Variants in BNC2 observed in about 807,000 individuals in gnomAD.
The protein encoded by BNC2 is basonuclin zinc finger protein 2.
BNC2 carries 20 observed loss-of-function variants against 76.3 expected under a neutral mutation model. That is an observed-to-expected ratio of 0.26 (90% confidence interval 0.18 to 0.38). The LOEUF (loss-of-function observed/expected upper bound fraction) is 0.38, where lower values mean the gene tolerates loss of function less well. Ranked by LOEUF, BNC2 falls within the 10% of genes least tolerant of loss-of-function variation. The pLI is 1.00. For missense variants in BNC2, 1,382 were observed against 1,399.8 expected (o/e 0.99, Z 0.20); for synonymous variants, 582 against 514.8 (o/e 1.13, Z -1.77).
chr9:16,657,209 G>A (rs1195143783), intron 3 of BNC2, among the ~76,000 whole-genome samples: 6 of 152,052 alleles, frequency 3.9e-5, no homozygotes, highest in Non-Finnish European at 8.8e-5. Flanking sequence ...CAAGTGTGCA[G>A]GTGAAAACCC....
chr9:16,425,386 C>T lies in BNC2; in HGVS notation c.2640-5737G>A, dbSNP rs139292079. 3.7e-3 allele frequency among the ~76,000 whole-genome samples: 569 copies of T among 152,280 alleles called. 6 individuals carry two copies. Among genetic ancestry groups the T allele is most frequent in the African/African-American group, 0.013 (545 of 41,548 alleles). ...TTCACAGTGAATTATGCTGCCTACA[C>T]GACTCCCCTCTCTCAGAGCCTGCCA... On this transcript the variant is annotated intron_variant, in intron 6 of 6. Transcript: ENST00000380672.
At chr9:16,594,517 C>T (rs547240153) in intron 3 of BNC2, among the ~76,000 whole-genome samples, 5 of 152,064 alleles carry the variant, frequency 3.3e-5, no homozygotes, top group Non-Finnish European at 7.4e-5. Context: ...AAATTTACTC[C>T]TCTAGGTTTG....
At chr9:16,538,773 A>G (rs1197584242) in intron 5 of BNC2, among the ~76,000 whole-genome samples, 1 of 152,194 alleles carries the variant, frequency 6.6e-6, no homozygotes, top group Non-Finnish European at 1.5e-5. Context: ...GTTTGAATTA[A>G]TATTATTAAA....
intron 5 of BNC2, among the ~76,000 whole-genome samples, chr9:16,461,875 C>A (rs76188577): frequency 0.011 from 1,710 of 152,330 alleles, 32 homozygotes; most frequent in African/African-American, 0.039. Flanking sequence ...AGCCTGCTCA[C>A]TTCTCATGTG....
At chr9:16,855,713 ATTT>A (rs796972202) in intron 1 of BNC2, among the ~76,000 whole-genome samples, 1 of 136,382 alleles carries the variant, frequency 7.3e-6, no homozygotes, top group Non-Finnish European at 1.6e-5. Flanking sequence ...GATTTCTTGT[ATTT>A]TTTTTTTTTT....
Position 16,742,264 on chromosome 9 carries a change from A to C in BNC2, c.4-3779T>G, listed in dbSNP as rs560877940. 5.9e-5 allele frequency among the ~76,000 whole-genome samples: 9 copies of C among 152,370 alleles called. No homozygotes were observed. The South Asian group carries it at 1.9e-3, about 32-fold the overall frequency. ...CCTATGTGATTTGAACAAAGGCATA[A>C]AAGATGTGGAATAATTTCACTTCAT... On this transcript the variant is annotated intron_variant, in intron 1 of 6. Coordinates refer to ENST00000380672, the MANE Select transcript of BNC2 (RefSeq NM_017637.6).
chr9:16,538,868 A>T (rs1177682927), intron 5 of BNC2, among the ~76,000 whole-genome samples: 1 of 152,212 alleles, frequency 6.6e-6, no homozygotes, highest in Non-Finnish European at 1.5e-5. Context: ...CAAAGAGTCT[A>T]TTTACATATA....
chr9:16,780,312 G>A (rs552438030), intron 1 of BNC2, among the ~76,000 whole-genome samples: 16 of 149,358 alleles, frequency 1.1e-4, no homozygotes, highest in African/African-American at 3.2e-4. Flanking sequence ...GGTGGCTCAC[G>A]CCTGTAATCC....
intron 1 of BNC2, among the ~76,000 whole-genome samples, chr9:16,755,344 C>A (rs10810608): frequency 0.86 from 129,879 of 151,588 alleles, 56,185 homozygotes; most frequent in Non-Finnish European, 0.92. Flanking sequence ...TGTGGGGGGA[C>A]ACCACCTCAG....
chr9:16,842,967 G>C (rs925655200), intron 1 of BNC2, among the ~76,000 whole-genome samples: 1 of 152,098 alleles, frequency 6.6e-6, no homozygotes, highest in African/African-American at 2.4e-5. Context: ...GGCCAGGCTG[G>C]AGTCAAACTC....
intron 1 of BNC2, among the ~76,000 whole-genome samples, chr9:16,771,014 A>G (rs1001927443): frequency 4.6e-5 from 7 of 152,154 alleles, no homozygotes; most frequent in African/African-American, 1.7e-4. Flanking sequence ...TACTAAAAAT[A>G]CAAAATTAGC....
intron 5 of BNC2, among the ~76,000 whole-genome samples, chr9:16,528,922 C>G (rs1048130783): frequency 6.6e-6 from 1 of 152,230 alleles, no homozygotes; most frequent in Non-Finnish European, 1.5e-5. Flanking sequence ...AACATATTCT[C>G]TCTCTGTTCC....
At chr9:16,513,338 G>A (rs565709720) in intron 5 of BNC2, among the ~76,000 whole-genome samples, 45 of 117,732 alleles carry the variant, frequency 3.8e-4, no homozygotes, top group Middle Eastern at 7.0e-3. Context: ...ACAGAGTCTC[G>A]CTCTGTTGCC....
intron 5 of BNC2, among the ~76,000 whole-genome samples, chr9:16,545,178 A>T (rs557661673): frequency 6.6e-6 from 1 of 152,366 alleles, no homozygotes; most frequent in South Asian, 2.1e-4. Context: ...ATTAAATAGT[A>T]GCTGCTCTTT....
At chr9:16,719,464 T>C (rs944960626) in intron 3 of BNC2, among the ~76,000 whole-genome samples, 6 of 152,200 alleles carry the variant, frequency 3.9e-5, no homozygotes, top group Non-Finnish European at 7.3e-5. Flanking sequence ...TAACCTGTTA[T>C]CTTCCTTTTC....
At chr9:16,757,426 C>T (rs1219501115) in intron 1 of BNC2, among the ~76,000 whole-genome samples, 1 of 152,202 alleles carries the variant, frequency 6.6e-6, no homozygotes, top group Non-Finnish European at 1.5e-5. Context: ...GATAAACTCA[C>T]TCATGCCCTG....
intron 1 of BNC2, among the ~76,000 whole-genome samples, chr9:16,782,053 G>A (rs1388666820): frequency 2.6e-5 from 4 of 152,072 alleles, no homozygotes; most frequent in Admixed American, 1.3e-4. Flanking sequence ...TTGGGAGGCC[G>A]AGGGGGGCGG....
intron 3 of BNC2, among the ~76,000 whole-genome samples, chr9:16,593,108 A>C (rs1048549757): frequency 4.6e-5 from 7 of 152,076 alleles, no homozygotes; most frequent in Admixed American, 2.0e-4. Flanking sequence ...AAAATTGACA[A>C]TGCTGAATTC....
At chr9:16,743,902 C>CTA (rs1824922609) in intron 1 of BNC2, among the ~76,000 whole-genome samples, 1 of 152,172 alleles carries the variant, frequency 6.6e-6, no homozygotes, top group African/African-American at 2.4e-5. Context: ...TTTGTTCACA[C>CTA]TATTCTCGGT....
Sources: gnomAD v4.1 joint callset for allele counts (sites outside exome capture counted in the v4.1 genomes callset) on GRCh38, gnomAD v4.1.1 for gene constraint, MANE v1.5 for transcripts, NCBI Gene and HGNC (gene_info 2026-07-23, HGNC 2026-07-21) for gene names.